The following ARID1B variants were observed in gnomAD, a reference collection of about 807,000 sequenced individuals.
ARID1B encodes AT-rich interactive domain-containing protein 1B.
ARID1B carries 30 observed loss-of-function variants against 212.3 expected under a neutral mutation model. The observed-to-expected ratio is 0.14, with a 90% CI of 0.11 to 0.19. The LOEUF is 0.19. Ranked by LOEUF, ARID1B falls within the 10% of genes least tolerant of loss-of-function variation. ARID1B has a pLI of 1.00. For synonymous variants in ARID1B, 1,402 were observed against 1,301.7 expected, an observed-to-expected ratio of 1.08 and a Z score of -1.66; for missense variants, 2,891 against 3,204.0, an observed-to-expected ratio of 0.90 and a Z score of 2.36.
intron 1 of ARID1B, among the ~76,000 whole-genome samples, chr6:156,803,025 T>C (rs1780896335): frequency 6.6e-6 from 1 of 152,206 alleles, no homozygotes; most frequent in African/African-American, 2.4e-5. Flanking sequence ...GATGGGTGTA[T>C]GTGTGAGTAT....
chr6:156,873,307 A>C (rs1402889845), intron 2 of ARID1B, among the ~76,000 whole-genome samples: 1 of 152,240 alleles, frequency 6.6e-6, no homozygotes, highest in African/African-American at 2.4e-5. Context: ...AGCCCACTGG[A>C]TAGAATTTTC....
chr6:156,857,704 C>G (rs1785045912), intron 2 of ARID1B, among the ~76,000 whole-genome samples: 1 of 152,210 alleles, frequency 6.6e-6, no homozygotes, highest in South Asian at 2.1e-4. Context: ...TGGAAATATA[C>G]AGTCATGTTG....
rs10536002 is a variant in ARID1B at position 157,000,696 on chromosome 6, CTTTTTTTTTT to C, written c.2247+65131_2247+65140del. Among the ~76,000 whole-genome samples, 753 of 99,228 alleles carry C rather than the reference CTTTTTTTTTT, an allele frequency of 7.6e-3. 11 individuals are homozygous for C. Among genetic ancestry groups the C allele is most frequent in the African/African-American group, 0.029 (723 of 25,054 alleles). The allele number at this position is 99,228 out of a possible 152,430, so 65.1% of individuals were successfully genotyped here. A position where few individuals can be genotyped will look rare whatever the true frequency, so the allele number is the denominator to read the frequency against. On this transcript the variant is annotated intron_variant, in intron 4 of 19. Transcript: ENST00000636930. ...TTCTAAACACCCATTTCTAATTATT[CTTTTTTTTTT>C]TTTTTTTTTTGAGACAGAGTCTTAC...
At chr6:156,977,407 G>A (rs1235081877) in intron 4 of ARID1B, among the ~76,000 whole-genome samples, 7 of 150,144 alleles carry the variant, frequency 4.7e-5, no homozygotes, top group South Asian at 2.1e-4. Flanking sequence ...AGGCTTATTC[G>A]TTTTCATTTA....
chr6:156,802,479 A>G (rs1780857410), intron 1 of ARID1B, among the ~76,000 whole-genome samples: 1 of 152,222 alleles, frequency 6.6e-6, no homozygotes, highest in Admixed American at 6.5e-5. Flanking sequence ...TTTAAATCAT[A>G]TACTTTTTAG....
intron 2 of ARID1B, among the ~76,000 whole-genome samples, chr6:156,875,374 G>A (rs763211969): frequency 6.6e-6 from 1 of 152,192 alleles, no homozygotes; most frequent in Non-Finnish European, 1.5e-5. Flanking sequence ...TCCAGTTAGT[G>A]ACATCTATAT....
At chr6:156,981,186 C>T (rs923881409) in intron 4 of ARID1B, among the ~76,000 whole-genome samples, 2 of 152,176 alleles carry the variant, frequency 1.3e-5, no homozygotes, top group Admixed American at 6.5e-5. Flanking sequence ...TCTAAGATTG[C>T]TCCAGGTCCA....
intron 4 of ARID1B, among the ~76,000 whole-genome samples, chr6:157,039,616 ACCTTCCTT>A (rs1368853614): frequency 8.9e-5 from 11 of 123,288 alleles, no homozygotes; most frequent in African/African-American, 3.3e-4. Context: ...AAAGCTACCT[ACCTTCCTT>A]CCTTCCTTCC....
At chr6:157,022,478 A>T (rs959799902) in intron 4 of ARID1B, 1 of 152,194 alleles carries the variant, frequency 6.6e-6, no homozygotes, top group Non-Finnish European at 1.5e-5. Context: ...TGTCTCTGCC[A>T]TGGAGACTTT....
intron 8 of ARID1B, among the ~76,000 whole-genome samples, chr6:157,164,428 C>G (rs999730923): frequency 1.3e-5 from 2 of 152,152 alleles, no homozygotes; most frequent in Non-Finnish European, 2.9e-5. Context: ...AGTCATTTGC[C>G]TGGTGGATTT....
At chr6:156,952,890 C>T (rs531443557) in intron 4 of ARID1B, among the ~76,000 whole-genome samples, 13 of 152,302 alleles carry the variant, frequency 8.5e-5, no homozygotes, top group African/African-American at 3.1e-4. Context: ...AAGCGAAAAT[C>T]CTTGGAGTCT....
chr6:157,021,366 A>T (rs2281391), intron 4 of ARID1B, among the ~76,000 whole-genome samples: 92,021 of 152,156 alleles, frequency 0.6, 29,045 homozygotes, highest in African/African-American at 0.8. Context: ...ACCACCAGGC[A>T]GCGGGCGGAA....
At chr6:157,198,999 A>T (rs1793929559) in intron 17 of ARID1B, 92 bp downstream of exon 17, 2 of 1,061,102 alleles carry the variant, frequency 1.9e-6, no homozygotes, top group African/African-American at 3.2e-5. Context: ...AGATTTTCAG[A>T]CATCTAACAA....
chr6:157,178,133 C>CT (rs895628115), intron 11 of ARID1B, among the ~76,000 whole-genome samples: 2 of 152,184 alleles, frequency 1.3e-5, no homozygotes, highest in African/African-American at 4.8e-5. Context: ...AGCCTTCAGT[C>CT]TTACTAGACT....
intron 3 of ARID1B, among the ~76,000 whole-genome samples, chr6:156,932,145 A>AAAG (rs796243149): frequency 1.6e-4 from 10 of 61,380 alleles, no homozygotes; most frequent in Non-Finnish European, 2.5e-4. Context: ...AAAAAAAAAA[A>AAAG]GGGGGGGGGC....
At chr6:156,829,192 GAATTAATA>G (rs1444485831) in intron 1 of ARID1B, 27 bp from the exon 2 acceptor site, 2 of 1,551,722 alleles carry the variant, frequency 1.3e-6, no homozygotes, top group South Asian at 2.4e-5. Flanking sequence ...AATAAAGAAT[GAATTAATA>G]AACCGACTTC....
At chr6:157,173,952 T>A in intron 9 of ARID1B, 56 bp from the exon 10 acceptor site, 11 of 1,474,822 alleles carry the variant, frequency 7.5e-6, no homozygotes, top group Non-Finnish European at 1.0e-5. Context: ...TTGGCAGGAG[T>A]ACAGTCTGAC....
intron 4 of ARID1B, among the ~76,000 whole-genome samples, chr6:157,044,911 A>G (rs1782127964): frequency 6.6e-6 from 1 of 152,204 alleles, no homozygotes; most frequent in African/African-American, 2.4e-5. Flanking sequence ...GAGCTGGTCT[A>G]GAAAATACAG....
At chr6:156,794,488 T>C (rs1780217953) in intron 1 of ARID1B, among the ~76,000 whole-genome samples, 8 of 151,364 alleles carry the variant, frequency 5.3e-5, no homozygotes, top group Admixed American at 5.3e-4. Context: ...TCTGGGCGGC[T>C]CAAGCAATCC....
Sources: gnomAD v4.1 joint callset for allele counts (sites outside exome capture counted in the v4.1 genomes callset) on GRCh38, gnomAD v4.1.1 for gene constraint, MANE v1.5 for transcripts, NCBI Gene and HGNC (gene_info 2026-07-23, HGNC 2026-07-21) for gene names.